Variants in ARAP3 observed in about 807,000 individuals in gnomAD.
The protein encoded by ARAP3 is ArfGAP with RhoGAP domain, ankyrin repeat and PH domain 3.
Under a neutral mutation model 169.2 loss-of-function variants are expected in ARAP3, and 82 were observed. The observed-to-expected ratio is 0.48, with a 90% CI of 0.41 to 0.58. The LOEUF is 0.58. ARAP3 is among the 20% of genes least tolerant of loss of function. The probability of loss-of-function intolerance (pLI) is 0.00; values close to 1 mark genes in which losing one functional copy is unlikely to be tolerated. For missense variants in ARAP3, 1,764 were observed against 2,018.0 expected (o/e 0.87, Z 2.41); for synonymous variants, 791 against 800.3 (o/e 0.99, Z 0.20).
Position 141,680,395 on chromosome 5 carries a change from G to A in ARAP3, c.92C>T (p.Ala31Val), listed in dbSNP as rs1260083970. 2 of 1,614,022 alleles carry A rather than the reference G, an allele frequency of 1.2e-6. No individual in the cohort carries two copies. The highest frequency in any genetic ancestry group is 1.7e-6 in the Non-Finnish European group (2 of 1,180,036). The change falls in exon 2 of 33, where the codon GCT (alanine) becomes GTT (valine). Residue 31 changes from alanine to valine, a missense_variant. Ala to Val is a moderately conservative substitution (Grantham distance 64). Transcript: ENST00000239440. ...YADTFRRHGL[A>V]TAGAARGLGH... is the part of the protein sequence containing the mutation. ...CAGGCCCCGGGCTGCACCTGCTGTAGCCAGGCCATGCCGTCGGAACGTGTC... is the reference window on the plus strand; with the variant it reads ...CAGGCCCCGGGCTGCACCTGCTGTAACCAGGCCATGCCGTCGGAACGTGTC...
chr5:141,655,638 A>G lies in ARAP3; in HGVS notation c.4093T>C (p.Ser1365Pro). 1.2e-6 allele frequency: 2 copies of G among 1,614,044 alleles called. No homozygotes were observed. Among genetic ancestry groups the G allele is most frequent in the South Asian group, 2.2e-5 (2 of 91,076 alleles). Residue 1365 changes from serine (S) to proline (P), a missense_variant, in exon 31 of 33, where the codon TCT (serine) becomes CCT (proline). Transcript: ENST00000239440. ...TGCCTTACCAGGGTCTGATTGGCAG[A>G]GAGGAGGGTGGCTCCACTGTCATCC... Reference protein sequence around the residue: ...RGDDSGATLLSANQTLRRLHN... With the variant: ...RGDDSGATLLPANQTLRRLHN...
chr5:141,669,783 C>G lies in ARAP3; in HGVS notation c.2278G>C (p.Ala760Pro). ...CCAAAATGCTGGATCCTCCCCCCAG[C>G]GAGGATGAGCTCAAAGGAAAAGGGG... Reference protein sequence around the residue: ...RFPFSFELILAGGRIQHFGTD... With the variant: ...RFPFSFELILPGGRIQHFGTD... Residue 760 changes from alanine (A) to proline (P), a missense_variant, in exon 16 of 33, where the codon GCT (alanine) becomes CCT (proline). Around this residue, in one of 3 missense-constraint regions of ARAP3, gnomAD observed 1,112 missense variants for 1,285.7 expected, o/e 0.86. Coordinates refer to ENST00000239440, the MANE Select transcript of ARAP3 (RefSeq NM_022481.6). 1.2e-6 allele frequency: 2 copies of G among 1,614,018 alleles called. No individual in the cohort carries two copies. The highest frequency in any genetic ancestry group is 1.7e-6 in the Non-Finnish European group (2 of 1,179,998).
In ARAP3 at chr5:141,670,526, C is replaced by G; in HGVS notation, c.2093G>C (p.Arg698Pro). The G allele has an allele frequency of 2.5e-6, 4 of 1,613,938 alleles. No individual in the cohort carries two copies. Among genetic ancestry groups the G allele is most frequent in the Non-Finnish European group, 3.4e-6 (4 of 1,179,876 alleles). The stretch of plus-strand genomic sequence containing the variant: ...CTCCCCCTCACCATCCCGGCCCCTG[C>G]GAGGGGGTGAGGGTCCAGCTTTGTT... ...VSNKAGPSPP[R>P]RGRDAPPRLW... The change falls in exon 14 of 33, where the codon CGC (arginine) becomes CCC (proline). Residue 698 changes from arginine (R) to proline (P), a missense_variant. Around this residue, in one of 3 missense-constraint regions of ARAP3, gnomAD observed 1,112 missense variants for 1,285.7 expected, o/e 0.86. Coordinates refer to ENST00000239440, the MANE Select transcript of ARAP3 (RefSeq NM_022481.6).
At position 141,654,390 on chromosome 5, in the gene ARAP3, C is replaced by T; in HGVS notation, c.4195G>A (p.Glu1399Lys). Residue 1399 changes from glutamate to lysine, a missense_variant, in exon 33 of 33, where the codon GAG (glutamate) becomes AAG (lysine). Transcript: ENST00000239440. ...ACTGGCTCCTCGTACACAGGCTCCT[C>T]CAGCTCCTCTTGCTCCTCCACAGAC... is the stretch of plus-strand genomic sequence containing the variant. ...QGSVEEQEEL[E>K]EPVYEEPVYE... 1 of 1,610,958 alleles carries T rather than the reference C, an allele frequency of 6.2e-7. No individual in the cohort carries two copies. The highest frequency in any genetic ancestry group is 2.2e-5 in the East Asian group (1 of 44,850).
At chr5:141,661,287 C>T (rs1306978145) in intron 21 of ARAP3, among the ~76,000 whole-genome samples, 1 of 152,142 alleles carries the variant, frequency 6.6e-6, no homozygotes, top group African/African-American at 2.4e-5. Flanking sequence ...TAGTCTCAAA[C>T]TCCTGGCCTT....
intron 20 of ARAP3, 96 bp from the exon 21 acceptor site, chr5:141,661,885 A>C: frequency 6.8e-7 from 1 of 1,473,826 alleles, no homozygotes; most frequent in South Asian, 1.2e-5. Context: ...TGCAGGATGG[A>C]TGTGTCTCTG....
rs888128305 is a variant in ARAP3, at chr5:141,668,029, C to T, written c.2353-1386G>A. On this transcript the variant is annotated intron_variant, in intron 16 of 32. Coordinates refer to ENST00000239440, the MANE Select transcript of ARAP3 (RefSeq NM_022481.6). Reference sequence around the variant, plus strand: ...CGCACTGTAGCCTGGGAGACAAGAGCGAAACTCCATCTCAAAAAGAAAATA... The same window carrying T: ...CGCACTGTAGCCTGGGAGACAAGAGTGAAACTCCATCTCAAAAAGAAAATA... 4.6e-5 allele frequency among the ~76,000 whole-genome samples: 7 copies of T among 151,674 alleles called. No homozygotes were observed. In the South Asian group the frequency reaches 6.3e-4, roughly 14 times the overall value.
rs2099912693 is a variant in ARAP3, at chr5:141,679,599, C to T, written c.644G>A (p.Gly215Glu). 1 of 1,614,022 alleles carries T rather than the reference C, an allele frequency of 6.2e-7. No homozygotes were observed. Among genetic ancestry groups the T allele is most frequent in the Admixed American group, 1.7e-5 (1 of 60,000 alleles). The change falls in exon 4 of 33, where the codon GGA becomes GAA. Residue 215 changes from glycine (G) to glutamate (E), a missense_variant. By Grantham distance (98) the Gly-to-Glu change is moderately conservative. This residue lies in a region of ARAP3 where 630 missense variants were observed against 678.7 expected (regional missense o/e 0.93). Coordinates refer to ENST00000239440, the MANE Select transcript of ARAP3 (RefSeq NM_022481.6). ...YYGVQPVGTP[G>E]APDRRESRGV... Reference sequence around the variant, plus strand: ...TCTGCTCTCTCTTCTGTCGGGGGCTCCTGGAGTCCCCACAGGTTGGACACC... The same window carrying T: ...TCTGCTCTCTCTTCTGTCGGGGGCTTCTGGAGTCCCCACAGGTTGGACACC...
Position 141,679,566 on chromosome 5 carries a change from C to T in ARAP3, c.677G>A (p.Cys226Tyr), listed in dbSNP as rs1010296773. The change falls in exon 4 of 33, where the codon TGT becomes TAT. Residue 226 changes from cysteine to tyrosine, a missense_variant. Transcript: ENST00000239440. ...APDRRESRGV[C>Y]QGRAEHRLSR... ...TCACCTGTGTTCAGCCCTGCCCTGA[C>T]AAACACCTCTGCTCTCTCTTCTGTC... The T allele has an allele frequency of 1.9e-6, 3 of 1,614,204 alleles. No individual in the cohort carries two copies. The highest frequency in any genetic ancestry group is 1.3e-5 in the African/African-American group (1 of 75,052).
chr5:141,676,486 C>T (rs1021829055), intron 4 of ARAP3, among the ~76,000 whole-genome samples: 5 of 152,192 alleles, frequency 3.3e-5, no homozygotes, highest in Admixed American at 1.3e-4. Context: ...CCACTCTCAT[C>T]GAGCTTTCAC....
chr5:141,660,134 G>T (rs1288488299), intron 21 of ARAP3, among the ~76,000 whole-genome samples: 2 of 152,208 alleles, frequency 1.3e-5, no homozygotes, highest in Admixed American at 1.3e-4. Context: ...TTTTAGGCTT[G>T]CAGGACAGAC....
intron 4 of ARAP3, among the ~76,000 whole-genome samples, chr5:141,675,715 T>C (rs1211912835): frequency 2.0e-5 from 3 of 149,906 alleles, no homozygotes; most frequent in African/African-American, 7.5e-5. Flanking sequence ...AGAGCGAGAC[T>C]CTGTCACAAA....
rs772017256 is a variant in ARAP3 at position 141,672,030 on chromosome 5, G to T, written c.1586-50C>A. The T allele has an allele frequency of 6.2e-7, 1 of 1,613,938 alleles. No homozygotes were observed. Among genetic ancestry groups the T allele is most frequent in the South Asian group, 1.1e-5 (1 of 91,062 alleles). ...GGGTGTGTGAGGGTGTGAGGGGCAT[G>T]TGGCACGGGTACCCTGAGCCCTCTA... On this transcript the variant is annotated intron_variant, in intron 10 of 32. Coordinates refer to ENST00000239440, the MANE Select transcript of ARAP3 (RefSeq NM_022481.6). The surrounding 1 kb of genome is among the most constrained non-coding windows in gnomAD (Gnocchi z 4.9).
At chr5:141,677,764 GTTTT>G (rs1453324969) in intron 4 of ARAP3, among the ~76,000 whole-genome samples, 3 of 151,454 alleles carry the variant, frequency 2.0e-5, no homozygotes, top group African/African-American at 7.3e-5. Flanking sequence ...GTTTTGTTTT[GTTTT>G]TTGTTTTTGT....
Position 141,679,773 on chromosome 5 carries a change from T to G in ARAP3, c.574A>C (p.Thr192Pro). 6.2e-7 allele frequency: 1 copy of G among 1,614,064 alleles called. No homozygotes were observed. Among genetic ancestry groups the G allele is most frequent in the Non-Finnish European group, 8.5e-7 (1 of 1,180,014 alleles). The change falls in exon 3 of 33, where the codon ACA becomes CCA. Residue 192 changes from threonine (T) to proline (P), a missense_variant. Physicochemically the swap from Thr to Pro is conservative, Grantham distance 38. This residue lies in a region of ARAP3 where 630 missense variants were observed against 678.7 expected (regional missense o/e 0.93). Transcript: ENST00000239440. ...ISAPTPALRP[T>P]TGTVHIMDPG... ...ATAACCCAGTTACCTGTGCCTGTTGTGGGCCTGAGGGCAGGGGTGGGGGCA... is the reference window on the plus strand; with the variant it reads ...ATAACCCAGTTACCTGTGCCTGTTGGGGGCCTGAGGGCAGGGGTGGGGGCA...
rs991551866 is a variant in ARAP3 at position 141,669,986 on chromosome 5, G to A, written c.2185C>T (p.Leu729Phe). 4.4e-6 allele frequency: 7 copies of A among 1,599,020 alleles called. No homozygotes were observed. Among genetic ancestry groups the A allele is most frequent in the Non-Finnish European group, 6.0e-6 (7 of 1,176,194 alleles). ...CATACAATATCCTGGGGCTGTATGA[G>A]GCTGAGGGGTTCAGGGCTGTTTTCC... is the stretch of plus-strand genomic sequence containing the variant. The part of the protein sequence containing the change: ...ASENSPEPLS[L>F]IQPQDIVCLG... The change falls in exon 15 of 33, where the codon CTC becomes TTC. Residue 729 changes from leucine (L) to phenylalanine (F), a missense_variant. This residue lies in a region of ARAP3 where 1,112 missense variants were observed against 1,285.7 expected (regional missense o/e 0.86). Coordinates refer to ENST00000239440, the MANE Select transcript of ARAP3 (RefSeq NM_022481.6).
chr5:141,671,287 G>A lies in ARAP3; in HGVS notation c.1968C>T (p.Ser656=), dbSNP rs1163677134. The change falls in exon 13 of 33, where the codon AGC becomes AGT. Residue 656 remains serine, a synonymous_variant. Transcript: ENST00000239440. The surrounding 1 kb of genome is among the most constrained non-coding windows in gnomAD (Gnocchi z 4.9). The part of the protein sequence containing the change: ...EPWFPPAPDG[S]CPGLLPSDPS... ...GACCTGAGGGCAAGAGGCCAGGGCA[G>A]CTGCCATCAGGGGCTGGGGGGAACC... is the stretch of plus-strand genomic sequence containing the variant. The A allele has an allele frequency of 5.0e-6, 8 of 1,611,720 alleles. No homozygotes were observed. Among genetic ancestry groups the A allele is most frequent in the African/African-American group, 1.3e-5 (1 of 74,882 alleles).
rs899597534 is a variant in ARAP3, at chr5:141,670,177, T to C, written c.2108-114A>G. ...CCCTTTGCCCATATATGATCCCATGTAATCTTCACAATAACCCTATGAGGT... is the reference window on the plus strand; with the variant it reads ...CCCTTTGCCCATATATGATCCCATGCAATCTTCACAATAACCCTATGAGGT... On this transcript the variant is annotated intron_variant, in intron 14 of 32. Transcript: ENST00000239440. 5.8e-6 allele frequency: 8 copies of C among 1,379,462 alleles called. No homozygotes were observed. The African/African-American group carries it at 1.2e-4, about 20-fold the overall frequency. 85.5% of individuals were successfully genotyped at this position (1,379,462 alleles called of 1,614,324 possible).
At chr5:141,661,855 G>A in intron 20 of ARAP3, 66 bp from the exon 21 acceptor site, 1 of 1,571,884 alleles carries the variant, frequency 6.4e-7, no homozygotes, top group Non-Finnish European at 8.7e-7. Flanking sequence ...GGTACAGAGG[G>A]AGGGATTTTT....
Sources: gnomAD v4.1 joint callset for allele counts (sites outside exome capture counted in the v4.1 genomes callset) on GRCh38, gnomAD v4.1.1 for gene constraint, gnomAD v4.1.1 regional missense constraint, Gnocchi (gnomAD v3.1) non-coding constraint, MANE v1.5 for transcripts, NCBI Gene and HGNC (gene_info 2026-07-23, HGNC 2026-07-21) for gene names.